Variants in PRUNE2 observed in about 807,000 individuals in gnomAD.
PRUNE2 encodes the protein prune homolog 2 with BCH domain.
Under a neutral mutation model 252.0 loss-of-function variants are expected in PRUNE2, and 164 were observed. The ratio of observed to expected loss-of-function variants is 0.65; its 90% CI spans 0.57 to 0.74. The LOEUF (loss-of-function observed/expected upper bound fraction) is 0.74, where lower values mean the gene tolerates loss of function less well. PRUNE2 is among the 30% of genes least tolerant of loss of function. The pLI, the probability that PRUNE2 is intolerant of heterozygous loss-of-function variation, is 0.00. For missense variants in PRUNE2, 3,495 were observed against 3,711.0 expected (o/e 0.94, Z 1.51); for synonymous variants, 1,292 against 1,350.2 (o/e 0.96, Z 0.94).
chr9:76,734,005 G>T (rs2048864242), intron 6 of PRUNE2, among the ~76,000 whole-genome samples: 1 of 151,368 alleles, frequency 6.6e-6, no homozygotes, highest in Non-Finnish European at 1.5e-5. Flanking sequence ...GATTATCAAA[G>T]AACAGTGTTT....
At chr9:76,860,317 C>G (rs527797821) in intron 1 of PRUNE2, among the ~76,000 whole-genome samples, 2 of 152,338 alleles carry the variant, frequency 1.3e-5, no homozygotes, top group South Asian at 4.1e-4. Context: ...AGCAGTATGT[C>G]TATTCCTTAG....
intron 1 of PRUNE2, among the ~76,000 whole-genome samples, chr9:76,875,970 G>C (rs571223604): frequency 8.5e-4 from 129 of 152,186 alleles, no homozygotes; most frequent in African/African-American, 2.6e-3. Flanking sequence ...ATCTGGAGTG[G>C]GGCCCAGTTA....
intron 6 of PRUNE2, among the ~76,000 whole-genome samples, chr9:76,748,945 C>A (rs552837152): frequency 6.6e-6 from 1 of 152,260 alleles, no homozygotes; most frequent in South Asian, 2.1e-4. Context: ...GCAGGGACCC[C>A]TCTTAAGGGC....
chr9:76,669,314 CTTTTCCTTTTTCT>C (rs2133869931), intron 9 of PRUNE2, among the ~76,000 whole-genome samples: 1 of 63,658 alleles, frequency 1.6e-5, no homozygotes, highest in Admixed American at 2.4e-4. Context: ...ATGTTCTTTT[CTTTTCCTTTTTCT>C]TTTTTTTTTG....
intron 15 of PRUNE2, among the ~76,000 whole-genome samples, chr9:76,635,042 G>T (rs189483647): frequency 6.6e-6 from 1 of 152,048 alleles, no homozygotes; most frequent in Non-Finnish European, 1.5e-5. Context: ...GTGTGATCTT[G>T]CCTCACTGCA....
chr9:76,767,416 G>A (rs28642099), intron 6 of PRUNE2, among the ~76,000 whole-genome samples: 8,583 of 151,056 alleles, frequency 0.057, 782 homozygotes, highest in African/African-American at 0.19. Context: ...GTGCCACTGC[G>A]CTCCAGCCTG....
At chr9:76,663,531 C>CAA (rs34536747) in intron 9 of PRUNE2, among the ~76,000 whole-genome samples, 39 of 152,044 alleles carry the variant, frequency 2.6e-4, no homozygotes, top group African/African-American at 8.9e-4. Flanking sequence ...CTGCAGGGAG[C>CAA]AAAAAAATCA....
intron 18 of PRUNE2, among the ~76,000 whole-genome samples, chr9:76,615,793 T>A (rs909414006): frequency 3.3e-5 from 3 of 90,978 alleles, no homozygotes; most frequent in Non-Finnish European, 6.8e-5. Context: ...TTTTTTGAGA[T>A]GGAGTCTTGC....
At chr9:76,685,176 G>C (rs1319399294) in intron 9 of PRUNE2, among the ~76,000 whole-genome samples, 1 of 152,182 alleles carries the variant, frequency 6.6e-6, no homozygotes, top group African/African-American at 2.4e-5. Context: ...TAAAGTGCTT[G>C]GCAAAAGTTC....
At chr9:76,736,356 A>G (rs2135492534) in intron 6 of PRUNE2, 1 of 152,372 alleles carries the variant, frequency 6.6e-6, no homozygotes, top group South Asian at 2.1e-4. Flanking sequence ...AAGAAAGAGG[A>G]AGTTCCAGTG....
intron 16 of PRUNE2, among the ~76,000 whole-genome samples, chr9:76,628,426 A>C (rs1835911926): frequency 6.6e-6 from 1 of 152,220 alleles, no homozygotes; most frequent in South Asian, 2.1e-4. Flanking sequence ...CAAACAAAAA[A>C]GGTTTAGAAG....
chr9:76,649,892 G>A (rs1846672375), intron 11 of PRUNE2, among the ~76,000 whole-genome samples: 1 of 151,912 alleles, frequency 6.6e-6, no homozygotes, highest in African/African-American at 2.4e-5. Context: ...GAATAAAACA[G>A]GCAAATGGCC....
In PRUNE2 at chr9:76,705,344, G is replaced by A. The variant is rs1382420246; in HGVS notation, c.6930C>T (p.Asn2310=). The A allele has an allele frequency of 6.2e-7, 1 of 1,614,038 alleles. No homozygotes were observed. Among genetic ancestry groups the A allele is most frequent in the Admixed American group, 1.7e-5 (1 of 60,034 alleles). Residue 2310 remains asparagine (N), a synonymous_variant, in exon 8 of 19, where the codon AAC becomes AAT. Transcript: ENST00000376718. ...DHSFSDASGL[N]TSTGTIDDMS... ...TGTCATCTATTGTTCCCGTGGATGTGTTGAGACCTGAGGCATCGCTGAAAC... is the reference window on the plus strand; with the variant it reads ...TGTCATCTATTGTTCCCGTGGATGTATTGAGACCTGAGGCATCGCTGAAAC...
At chr9:76,816,214 T>G (rs573567381) in intron 6 of PRUNE2, among the ~76,000 whole-genome samples, 1 of 151,386 alleles carries the variant, frequency 6.6e-6, no homozygotes, top group East Asian at 1.9e-4. Flanking sequence ...GGTAAAGAGA[T>G]TTTACAGACT....
chr9:76,820,128 T>C (rs1049707992), intron 6 of PRUNE2, among the ~76,000 whole-genome samples: 3 of 152,166 alleles, frequency 2.0e-5, no homozygotes, highest in African/African-American at 7.2e-5. Context: ...ACTGCAGTTA[T>C]CTTTTCCCAC....
At chr9:76,858,025 C>G (rs552074115) in intron 1 of PRUNE2, among the ~76,000 whole-genome samples, 25 of 152,154 alleles carry the variant, frequency 1.6e-4, no homozygotes, top group Admixed American at 7.9e-4. Context: ...ATACTGATGT[C>G]CCTTGATACA....
intron 1 of PRUNE2, among the ~76,000 whole-genome samples, chr9:76,884,222 C>A (rs2061957549): frequency 6.6e-6 from 1 of 152,168 alleles, no homozygotes; most frequent in East Asian, 1.9e-4. Flanking sequence ...TCCCTGGTTT[C>A]ACTGCAACCC....
chr9:76,614,231 C>A lies in PRUNE2; in HGVS notation c.*339G>T. On this transcript the variant is annotated 3_prime_UTR_variant, in exon 19 of 19. Transcript: ENST00000376718. ...ATCTATGGAAACAAATCCACTCATA[C>A]TTAACAGTGGATTAAAGGTATCTTA... 1 of 302,424 alleles carries A rather than the reference C, an allele frequency of 3.3e-6. No individual in the cohort carries two copies. The highest frequency in any genetic ancestry group is 6.1e-6 in the Non-Finnish European group (1 of 164,254). 18.7% of individuals were successfully genotyped at this position (302,424 alleles called of 1,614,324 possible). A position where few individuals can be genotyped will look rare whatever the true frequency, so the allele number is the denominator to read the frequency against.
intron 9 of PRUNE2, among the ~76,000 whole-genome samples, chr9:76,688,886 G>C (rs1012344616): frequency 6.6e-6 from 1 of 152,084 alleles, no homozygotes; most frequent in African/African-American, 2.4e-5. Context: ...AACTCCAACC[G>C]ATAGCTCTCC....
Sources: gnomAD v4.1 joint callset for allele counts (sites outside exome capture counted in the v4.1 genomes callset) on GRCh38, gnomAD v4.1.1 for gene constraint, MANE v1.5 for transcripts, NCBI Gene and HGNC (gene_info 2026-07-23, HGNC 2026-07-21) for gene names.